The following OXR1 variants were observed in gnomAD, a reference collection of about 807,000 sequenced individuals.
The protein encoded by OXR1 is oxidation resistance 1, also known as oxidation resistance protein 1.
A neutral mutation model predicts 104.6 loss-of-function variants in OXR1; 41 were observed. That is an observed-to-expected ratio of 0.39 (90% CI 0.31 to 0.51). The LOEUF (loss-of-function observed/expected upper bound fraction) is 0.51, where lower values mean the gene tolerates loss of function less well. Among genes scored for constraint, OXR1 ranks in the 20% least tolerant of loss-of-function variants. The probability of loss-of-function intolerance (pLI) is 0.77; values close to 1 mark genes in which losing one functional copy is unlikely to be tolerated. For missense variants in OXR1, 955 were observed against 1,031.9 expected, an observed-to-expected ratio of 0.93 and a Z score of 1.02; for synonymous variants, 348 against 348.4, an observed-to-expected ratio of 1.00 and a Z score of 0.01.
chr8:106,484,058 GA>G (rs1028163048), intron 2 of OXR1, among the ~76,000 whole-genome samples: 2 of 151,548 alleles, frequency 1.3e-5, no homozygotes, highest in Non-Finnish European at 2.9e-5. Context: ...ATCCAAGGAA[GA>G]AAAAAAATGA....
intron 3 of OXR1, among the ~76,000 whole-genome samples, chr8:106,528,632 A>T (rs887132231): frequency 6.6e-6 from 1 of 152,210 alleles, no homozygotes; most frequent in Non-Finnish European, 1.5e-5. Flanking sequence ...ACACTTTAAA[A>T]TATCATCACA....
At chr8:106,287,085 C>A (rs1445216531) in intron 1 of OXR1, among the ~76,000 whole-genome samples, 1 of 151,968 alleles carries the variant, frequency 6.6e-6, no homozygotes, top group Admixed American at 6.6e-5. Flanking sequence ...AAAAGATACC[C>A]AATACGGTAA....
chr8:106,308,939 C>T (rs923758645), intron 1 of OXR1, among the ~76,000 whole-genome samples: 4 of 151,938 alleles, frequency 2.6e-5, no homozygotes, highest in Admixed American at 2.6e-4. Flanking sequence ...CAATGAAAAG[C>T]TCTGGTACTA....
intron 11 of OXR1, among the ~76,000 whole-genome samples, chr8:106,722,780 C>G (rs916793043): frequency 6.6e-6 from 1 of 152,134 alleles, no homozygotes; most frequent in East Asian, 1.9e-4. Flanking sequence ...CTTAAAGATG[C>G]ATTTCTCAGA....
chr8:106,629,946 A>C (rs1361563114), intron 3 of OXR1, among the ~76,000 whole-genome samples: 5 of 152,214 alleles, frequency 3.3e-5, no homozygotes, highest in Non-Finnish European at 7.3e-5. Context: ...ATCTAAATAC[A>C]GTATATCTAT....
At chr8:106,376,122 T>C (rs905749602) in intron 2 of OXR1, among the ~76,000 whole-genome samples, 1 of 152,226 alleles carries the variant, frequency 6.6e-6, no homozygotes, top group Non-Finnish European at 1.5e-5. Context: ...ACCGACATTT[T>C]TTTACTGGTC....
intron 2 of OXR1, among the ~76,000 whole-genome samples, chr8:106,475,828 G>A (rs934014653): frequency 6.6e-6 from 1 of 151,848 alleles, no homozygotes; most frequent in African/African-American, 2.4e-5. Context: ...CTGTCTTGTG[G>A]TATTGATTAG....
In OXR1 at chr8:106,422,708, G is replaced by A. The variant is rs563919388; in HGVS notation, c.23+63072G>A. Among the ~76,000 whole-genome samples the A allele has an allele frequency of 1.6e-3, 246 of 152,150 alleles. 3 individuals carry two copies. The highest frequency in any genetic ancestry group is 5.1e-4 in the Non-Finnish European group (35 of 67,996). On this transcript the variant is annotated intron_variant, in intron 2 of 16. Transcript: ENST00000517566. ...TCATTTTATGCTCACAACTCTATAA[G>A]GCAGGTATTTTAATTACCCCATATT...
chr8:106,374,800 G>A (rs923573493), intron 2 of OXR1, among the ~76,000 whole-genome samples: 4 of 152,120 alleles, frequency 2.6e-5, no homozygotes, highest in Non-Finnish European at 4.4e-5. Flanking sequence ...TTTCAGCTAT[G>A]AGCTCATAGC....
chr8:106,411,521 CAT>C (rs764984509), intron 2 of OXR1, among the ~76,000 whole-genome samples: 7 of 152,162 alleles, frequency 4.6e-5, no homozygotes, highest in Non-Finnish European at 8.8e-5. Flanking sequence ...CCTTTTCTCT[CAT>C]GTGATATTTC....
chr8:106,495,831 G>A (rs1321931024), intron 2 of OXR1, among the ~76,000 whole-genome samples: 1 of 152,078 alleles, frequency 6.6e-6, no homozygotes, highest in Non-Finnish European at 1.5e-5. Context: ...AGTAACTTGT[G>A]TGTTTGTTTA....
chr8:106,488,899 G>T (rs1012810790), intron 2 of OXR1, among the ~76,000 whole-genome samples: 17 of 151,818 alleles, frequency 1.1e-4, no homozygotes, highest in Non-Finnish European at 2.4e-4. Context: ...ATTGACTTGG[G>T]GATGCGGGCT....
chr8:106,538,180 G>T (rs1814691530), intron 3 of OXR1, among the ~76,000 whole-genome samples: 1 of 152,066 alleles, frequency 6.6e-6, no homozygotes, highest in Admixed American at 6.6e-5. Flanking sequence ...CTCACATCTG[G>T]CAAATTATGT....
At chr8:106,580,044 G>A (rs1818122805) in intron 3 of OXR1, among the ~76,000 whole-genome samples, 1 of 152,190 alleles carries the variant, frequency 6.6e-6, no homozygotes, top group African/African-American at 2.4e-5. Context: ...ACTGGCAGCT[G>A]TGACTCTAAA....
rs540397590 is a variant in OXR1, at chr8:106,470,405, G to A, written c.24-48538G>A. Reference sequence around the variant, plus strand: ...TGGAGGTGAGTGTGAATAAAAGAAGGAAATCAAGAATAAGTCCGAGTATTT... The same window carrying A: ...TGGAGGTGAGTGTGAATAAAAGAAGAAAATCAAGAATAAGTCCGAGTATTT... On this transcript the variant is annotated intron_variant, in intron 2 of 16. Transcript: ENST00000517566. Among the ~76,000 whole-genome samples, 330 of 149,924 alleles carry A rather than the reference G, an allele frequency of 2.2e-3. 1 individual carries two copies. The highest frequency in any genetic ancestry group is 7.4e-3 in the African/African-American group (296 of 39,732).
chr8:106,402,538 A>G (rs945752245), intron 2 of OXR1, among the ~76,000 whole-genome samples: 1 of 152,188 alleles, frequency 6.6e-6, no homozygotes, highest in Non-Finnish European at 1.5e-5. Flanking sequence ...CTAAAACTTC[A>G]TTGGTCACCT....
In OXR1 at chr8:106,308,492, C is replaced by T. The variant is rs1031433729; in HGVS notation, c.-139+38125C>T. ...CAAATTGACACATAAAATTAAACAT[C>T]ACACCTCTTTAGGTTAATATCCCAA... On this transcript the variant is annotated intron_variant, in intron 1 of 16. Transcript: ENST00000517566. Among the ~76,000 whole-genome samples the T allele has an allele frequency of 4.5e-4, 69 of 152,300 alleles. 1 individual carries two copies. The highest frequency in any genetic ancestry group is 1.5e-3 in the African/African-American group (64 of 41,574).
At chr8:106,459,907 A>G (rs1244938890) in intron 2 of OXR1, among the ~76,000 whole-genome samples, 61 of 152,216 alleles carry the variant, frequency 4.0e-4, no homozygotes, top group Admixed American at 4.0e-3. Context: ...AAGCCAGCAC[A>G]TGTTACAATC....
At chr8:106,292,648 G>C (rs762779181) in intron 1 of OXR1, among the ~76,000 whole-genome samples, 4 of 152,108 alleles carry the variant, frequency 2.6e-5, no homozygotes, top group Non-Finnish European at 5.9e-5. Flanking sequence ...AACATATTCT[G>C]ATAATGTGAT....
Sources: allele counts gnomAD v4.1 joint callset (sites outside exome capture counted in the v4.1 genomes callset), GRCh38; gene constraint gnomAD v4.1.1; transcripts MANE v1.5; gene names NCBI Gene and HGNC (gene_info 2026-07-23, HGNC 2026-07-21).